Variants in CACNA2D3 observed in about 807,000 individuals in gnomAD.
The protein encoded by CACNA2D3 is calcium voltage-gated channel auxiliary subunit alpha2delta 3.
In CACNA2D3, 60 loss-of-function variants were observed where a neutral mutation model predicts 160.6. The observed-to-expected ratio is 0.37, with a 90% CI of 0.30 to 0.46. The LOEUF (loss-of-function observed/expected upper bound fraction) is 0.46, where lower values mean the gene tolerates loss of function less well. CACNA2D3 is among the 20% of genes least tolerant of loss of function. CACNA2D3 has a pLI of 1.00. For missense variants in CACNA2D3, 1,205 were observed against 1,365.0 expected, an observed-to-expected ratio of 0.88 and a Z score of 1.85; for synonymous variants, 558 against 492.9, an observed-to-expected ratio of 1.13 and a Z score of -1.75.
At chr3:54,774,315 C>T (rs1322145080) in intron 13 of CACNA2D3, among the ~76,000 whole-genome samples, 1 of 152,124 alleles carries the variant, frequency 6.6e-6, no homozygotes, top group Non-Finnish European at 1.5e-5. Context: ...GGAAGCATGG[C>T]TGAGGAGGCC....
intron 27 of CACNA2D3, among the ~76,000 whole-genome samples, chr3:54,902,337 T>G (rs894502266): frequency 1.3e-5 from 2 of 152,222 alleles, no homozygotes; most frequent in African/African-American, 4.8e-5. Flanking sequence ...CTTTCTCTTT[T>G]GTGTGTTTTC....
chr3:54,623,959 G>T (rs1231194056), intron 9 of CACNA2D3, among the ~76,000 whole-genome samples: 1 of 152,082 alleles, frequency 6.6e-6, no homozygotes, highest in African/African-American at 2.4e-5. Flanking sequence ...GTTGGGCAGA[G>T]GGCTAAATGA....
chr3:54,427,032 C>T (rs1699920531), intron 4 of CACNA2D3, among the ~76,000 whole-genome samples: 1 of 152,062 alleles, frequency 6.6e-6, no homozygotes, highest in African/African-American at 2.4e-5. Flanking sequence ...CTTCCTCTCT[C>T]TTCTACCCAC....
chr3:54,147,750 G>T (rs994320860), intron 2 of CACNA2D3, among the ~76,000 whole-genome samples: 2 of 152,234 alleles, frequency 1.3e-5, no homozygotes, highest in African/African-American at 4.8e-5. Flanking sequence ...TTGACTCTGA[G>T]AGCCAAGGTG....
intron 2 of CACNA2D3, among the ~76,000 whole-genome samples, chr3:54,147,520 A>G (rs1220974923): frequency 6.6e-6 from 1 of 152,188 alleles, no homozygotes; most frequent in Non-Finnish European, 1.5e-5. Flanking sequence ...ATCCCATGGT[A>G]GAAACAATGA....
At chr3:55,007,311 T>C (rs1289812130) in intron 32 of CACNA2D3, among the ~76,000 whole-genome samples, 1 of 152,188 alleles carries the variant, frequency 6.6e-6, no homozygotes, top group Non-Finnish European at 1.5e-5. Context: ...TCCTACATAA[T>C]TCGTGGACGG....
chr3:54,891,034 C>T (rs563975261), intron 24 of CACNA2D3, among the ~76,000 whole-genome samples: 4 of 152,182 alleles, frequency 2.6e-5, no homozygotes, highest in Non-Finnish European at 5.9e-5. Flanking sequence ...TTTGAACTTG[C>T]ACCCAGAACC....
chr3:54,714,941 G>A (rs1701023973), intron 11 of CACNA2D3, among the ~76,000 whole-genome samples: 1 of 152,152 alleles, frequency 6.6e-6, no homozygotes, highest in Admixed American at 6.5e-5. Context: ...CTGTGATCCT[G>A]GATGTCTGAG....
chr3:54,551,726 A>AT (rs1417923842), intron 5 of CACNA2D3, among the ~76,000 whole-genome samples: 3 of 152,144 alleles, frequency 2.0e-5, no homozygotes, highest in Admixed American at 1.3e-4. Flanking sequence ...TTCAGCACAG[A>AT]TTTTCAAGCA....
chr3:54,787,893 C>T (rs1474110103), intron 13 of CACNA2D3, among the ~76,000 whole-genome samples: 1 of 152,158 alleles, frequency 6.6e-6, no homozygotes, highest in Non-Finnish European at 1.5e-5. Context: ...CACATAATTC[C>T]TCCTGCATCT....
chr3:54,821,171 G>A (rs942050683), intron 14 of CACNA2D3, among the ~76,000 whole-genome samples: 1 of 152,186 alleles, frequency 6.6e-6, no homozygotes. Context: ...TCCTGACACC[G>A]TATTAGTTAA....
At chr3:54,998,863 A>G (rs978149038) in intron 31 of CACNA2D3, among the ~76,000 whole-genome samples, 3 of 151,724 alleles carry the variant, frequency 2.0e-5, no homozygotes, top group Non-Finnish European at 4.4e-5. Flanking sequence ...TCTCCTGCCT[A>G]AGCCTCCCGA....
chr3:54,147,167 C>T (rs1457945101), intron 2 of CACNA2D3, among the ~76,000 whole-genome samples: 1 of 152,236 alleles, frequency 6.6e-6, no homozygotes. Flanking sequence ...TCCCCCTGCA[C>T]TGCCTGCTGG....
chr3:54,426,008 GGTTA>G (rs959763574), intron 4 of CACNA2D3, among the ~76,000 whole-genome samples: 27 of 152,292 alleles, frequency 1.8e-4, no homozygotes, highest in African/African-American at 6.3e-4. Flanking sequence ...GTTGGAAATT[GGTTA>G]GTTTAGATAA....
intron 29 of CACNA2D3, among the ~76,000 whole-genome samples, chr3:54,973,274 G>T (rs1432973331): frequency 6.6e-6 from 1 of 152,172 alleles, no homozygotes; most frequent in African/African-American, 2.4e-5. Flanking sequence ...TCTGATCTCA[G>T]TCTGACCTGC....
chr3:54,681,614 T>C (rs574537310), intron 11 of CACNA2D3, among the ~76,000 whole-genome samples: 2 of 150,868 alleles, frequency 1.3e-5, no homozygotes, highest in East Asian at 2.0e-4. Context: ...TGATGACATA[T>C]AGGGGAAGAT....
intron 14 of CACNA2D3, among the ~76,000 whole-genome samples, chr3:54,822,755 TTTC>T (rs1559595425): frequency 9.9e-5 from 8 of 80,504 alleles, no homozygotes; most frequent in African/African-American, 3.8e-4. Context: ...TCTTTCTTTC[TTTC>T]TTTCTTTCTT....
At chr3:54,577,471 T>A (rs1702603890) in intron 8 of CACNA2D3, among the ~76,000 whole-genome samples, 1 of 152,110 alleles carries the variant, frequency 6.6e-6, no homozygotes, top group Non-Finnish European at 1.5e-5. Context: ...AGATCCATGA[T>A]CTCCAGAGAA....
chr3:54,890,707 T>C (rs1559618920), intron 24 of CACNA2D3, among the ~76,000 whole-genome samples: 1 of 152,182 alleles, frequency 6.6e-6, no homozygotes, highest in Non-Finnish European at 1.5e-5. Context: ...TTAGAGTTCC[T>C]ATGTGTAGCC....
Sources: gnomAD v4.1 joint callset for allele counts (sites outside exome capture counted in the v4.1 genomes callset) on GRCh38, gnomAD v4.1.1 for gene constraint, MANE v1.5 for transcripts, NCBI Gene and HGNC (gene_info 2026-07-23, HGNC 2026-07-21) for gene names.